FGD6: variants seen among roughly 807,000 people sequenced by gnomAD.
FGD6 encodes FYVE, RhoGEF and PH domain containing 6.
In FGD6, 90 loss-of-function variants were observed where a neutral mutation model predicts 149.4. That is an observed-to-expected ratio of 0.60 (90% CI 0.51 to 0.72). FGD6 has a LOEUF of 0.72. Among genes scored for constraint, FGD6 ranks in the 30% least tolerant of loss-of-function variants. FGD6 has a pLI of 0.00. For synonymous variants in FGD6, 527 were observed against 584.0 expected (o/e 0.90, Z 1.41); for missense variants, 1,437 against 1,684.8 (o/e 0.85, Z 2.57).
At chr12:95,160,457 T>C (rs1461759313) in intron 3 of FGD6, among the ~76,000 whole-genome samples, 1 of 152,084 alleles carries the variant, frequency 6.6e-6, no homozygotes, top group African/African-American at 2.4e-5. Flanking sequence ...TCATACGGTG[T>C]GAAAAATGAA....
intron 2 of FGD6, chr12:95,189,710 T>A (rs1388914267): frequency 6.8e-6 from 1 of 147,998 alleles, no homozygotes; most frequent in Non-Finnish European, 1.5e-5. Context: ...AGGAGAAGCA[T>A]CAACAGTTAA....
At position 95,106,951 on chromosome 12, in the gene FGD6, C is replaced by G. The variant is rs7138545; in HGVS notation, c.3417+3G>C. ...AAACAAAACATCTAACAGATGCACA[C>G]ACCTTCATTCCAGCCAGTGAGAGCA... is the stretch of plus-strand genomic sequence containing the variant. On this transcript the variant is annotated splice_donor_region_variant and intron_variant, in intron 13 of 20. Transcript: ENST00000343958. 0.64 allele frequency: 1,016,697 copies of G among 1,588,822 alleles called. 328,303 individuals are homozygous for G. Among genetic ancestry groups the G allele is most frequent in the East Asian group, 0.67 (29,660 of 44,586 alleles).
chr12:95,179,306 C>G lies in FGD6; in HGVS notation c.2442-6562G>C, dbSNP rs113789736. On this transcript the variant is annotated intron_variant, in intron 2 of 20. Transcript: ENST00000343958. The stretch of plus-strand genomic sequence containing the variant: ...CTTGGGCCTAGGAGTTCGAGACCGG[C>G]CTGGGCAACACAGGGAGAGACCCCA... Among the ~76,000 whole-genome samples the G allele has an allele frequency of 4.3e-3, 651 of 151,556 alleles. 1 individual carries two copies. The highest frequency in any genetic ancestry group is 7.1e-3 in the Non-Finnish European group (485 of 67,892).
chr12:95,119,872 A>G (rs2136247791), intron 8 of FGD6, among the ~76,000 whole-genome samples: 1 of 152,310 alleles, frequency 6.6e-6, no homozygotes, highest in African/African-American at 2.4e-5. Flanking sequence ...GTGAGCCAAG[A>G]TTGTGCCACT....
At chr12:95,188,882 T>A (rs933966300) in intron 2 of FGD6, among the ~76,000 whole-genome samples, 2 of 151,938 alleles carry the variant, frequency 1.3e-5, no homozygotes, top group African/African-American at 4.8e-5. Context: ...GCTATCCCCA[T>A]CTGCTCTTCC....
chr12:95,172,114 G>A (rs551235668), intron 3 of FGD6, among the ~76,000 whole-genome samples: 2 of 151,924 alleles, frequency 1.3e-5, no homozygotes, highest in Non-Finnish European at 2.9e-5. Context: ...CATGGCTCAC[G>A]CCTGTAATCC....
At chr12:95,136,609 T>C (rs1879674497) in intron 7 of FGD6, among the ~76,000 whole-genome samples, 1 of 152,370 alleles carries the variant, frequency 6.6e-6, no homozygotes, top group East Asian at 1.9e-4. Flanking sequence ...GTTATTACTT[T>C]TTCTTAACTT....
chr12:95,081,731 C>A (rs545273564), intron 20 of FGD6, among the ~76,000 whole-genome samples, 175 bp from the exon 21 acceptor site: 30 of 145,094 alleles, frequency 2.1e-4, no homozygotes, highest in Non-Finnish European at 4.5e-5. Context: ...GTTGCTCAGG[C>A]TGGAGTGCAA....
chr12:95,179,579 C>T (rs1218833384), intron 2 of FGD6, among the ~76,000 whole-genome samples: 1 of 152,056 alleles, frequency 6.6e-6, no homozygotes, highest in African/African-American at 2.4e-5. Context: ...CACAAGACAA[C>T]TCTGAAAATT....
chr12:95,125,630 T>C (rs1162115289), intron 8 of FGD6: 1 of 333,094 alleles, frequency 3.0e-6, no homozygotes, highest in Non-Finnish European at 5.7e-6. Context: ...AGCAAGACCA[T>C]GTCTCAATAA....
At chr12:95,214,861 C>CTT (rs1171146305) in intron 1 of FGD6, among the ~76,000 whole-genome samples, 80 of 129,182 alleles carry the variant, frequency 6.2e-4, no homozygotes, top group African/African-American at 8.4e-4. Flanking sequence ...CTCCTTTTTT[C>CTT]TTTTTTTTTT....
intron 2 of FGD6, among the ~76,000 whole-genome samples, chr12:95,202,761 T>C (rs577651573): frequency 6.6e-6 from 1 of 152,312 alleles, no homozygotes; most frequent in East Asian, 1.9e-4. Context: ...ATGCTTCTGC[T>C]GCAATTTCAA....
chr12:95,180,313 G>C (rs1314264152), intron 2 of FGD6, among the ~76,000 whole-genome samples: 1 of 151,442 alleles, frequency 6.6e-6, no homozygotes, highest in Non-Finnish European at 1.5e-5. Flanking sequence ...CAGAAAAACT[G>C]ATAAATATAG....
At chr12:95,093,811 T>C (rs1340866774) in intron 15 of FGD6, among the ~76,000 whole-genome samples, 1 of 149,828 alleles carries the variant, frequency 6.7e-6, no homozygotes, top group African/African-American at 2.5e-5. Context: ...ATTGCACCAC[T>C]GCACTCCAGC....
rs779117333 is a variant in FGD6 at position 95,209,138 on chromosome 12, C to T, written c.2146G>A (p.Gly716Ser). The T allele has an allele frequency of 6.2e-7, 1 of 1,614,174 alleles. No homozygotes were observed. Among genetic ancestry groups the T allele is most frequent in the Non-Finnish European group, 8.5e-7 (1 of 1,180,030 alleles). Residue 716 changes from glycine to serine, a missense_variant, in exon 2 of 21, where the codon GGT (glycine) becomes AGT (serine). Physicochemically the swap from Gly to Ser is moderately conservative, Grantham distance 56 (BLOSUM62 0). Around this residue, in one of 2 missense-constraint regions of FGD6, gnomAD observed 1,055 missense variants for 1,146.0 expected, o/e 0.92. Transcript: ENST00000343958. ...KSRGQTSAAN[G>S]LRAESLDDQM... ...TCATCCAAAGACTCAGCTCTCAGAC[C>T]ATTAGCTGCACTGGTCTGGCCCCGA...
intron 8 of FGD6, among the ~76,000 whole-genome samples, chr12:95,128,711 A>C (rs1209742012): frequency 6.6e-6 from 1 of 152,232 alleles, no homozygotes; most frequent in East Asian, 1.9e-4. Context: ...CTCAAAGAGG[A>C]AGACTGTAAG....
At chr12:95,217,196 C>A in intron 1 of FGD6, 29 bp downstream of exon 1, 1 of 1,612,216 alleles carries the variant, frequency 6.2e-7, no homozygotes, top group Non-Finnish European at 8.5e-7. Context: ...CACAAACTTT[C>A]CCGCGGCAGC....
Position 95,157,122 on chromosome 12 carries a change from T to C in FGD6, c.2587-4129A>G, listed in dbSNP as rs372081299. 8.6e-4 allele frequency among the ~76,000 whole-genome samples: 131 copies of C among 152,306 alleles called. No individual in the cohort carries two copies. In the Middle Eastern group the frequency reaches 0.027, roughly 32 times the overall value. ...GTTTTAAATCTTTCTGTGAAACAAA[T>C]TGTTAAATTATGATATTAAAGTTCT... is the stretch of plus-strand genomic sequence containing the variant. On this transcript the variant is annotated intron_variant, in intron 3 of 20. Transcript: ENST00000343958.
At chr12:95,095,373 A>AT (rs35449472) in intron 14 of FGD6, among the ~76,000 whole-genome samples, 39,801 of 149,888 alleles carry the variant, frequency 0.27, 5,526 homozygotes, top group Non-Finnish European at 0.27. Context: ...AGACAAGGGT[A>AT]TTTTTTTTTT....
Sources: allele counts gnomAD v4.1 joint callset (sites outside exome capture counted in the v4.1 genomes callset), GRCh38; gene constraint gnomAD v4.1.1; regional missense constraint gnomAD v4.1.1; transcripts MANE v1.5; gene names NCBI Gene and HGNC (gene_info 2026-07-23, HGNC 2026-07-21).